The following GRIP1 variants were observed in gnomAD, a reference collection of about 807,000 sequenced individuals.
GRIP1 encodes glutamate receptor interacting protein 1.
Under a neutral mutation model 129.9 loss-of-function variants are expected in GRIP1, and 45 were observed. The observed-to-expected ratio is 0.35, with a 90% CI of 0.27 to 0.44. GRIP1 has a LOEUF of 0.44. Among genes scored for constraint, GRIP1 ranks in the 20% least tolerant of loss-of-function variants. The pLI is 1.00. For synonymous variants in GRIP1, 530 were observed against 520.8 expected (o/e 1.02, Z -0.24); for missense variants, 1,196 against 1,396.8 (o/e 0.86, Z 2.29).
At chr12:66,424,416 G>A (rs764996277) in intron 14 of GRIP1, among the ~76,000 whole-genome samples, 26 of 152,016 alleles carry the variant, frequency 1.7e-4, no homozygotes, top group Non-Finnish European at 3.7e-4. Context: ...AATTCTTTTG[G>A]CTGTTTCCAT....
intron 1 of GRIP1, among the ~76,000 whole-genome samples, chr12:66,823,598 T>C (rs1255809393): frequency 6.6e-6 from 1 of 152,124 alleles, no homozygotes; most frequent in African/African-American, 2.4e-5. Context: ...AAAATTAAGA[T>C]TTTGTACTTT....
At chr12:66,423,327 G>GGAT (rs2057873149) in intron 14 of GRIP1, among the ~76,000 whole-genome samples, 1 of 152,192 alleles carries the variant, frequency 6.6e-6, no homozygotes, top group Admixed American at 6.5e-5. Flanking sequence ...TAAAGAGATT[G>GGAT]GATGAGTGCA....
Position 66,349,162 on chromosome 12 carries a change from T to C in GRIP1, c.3244A>G (p.Ile1082Val), listed in dbSNP as rs756723263. The change falls in exon 25 of 25, where the codon ATT becomes GTT. Residue 1082 changes from isoleucine to valine, a missense_variant. Ile to Val is a conservative substitution (Grantham distance 29). Transcript: ENST00000359742. Reference sequence around the variant, plus strand: ...TGTGAAGCCAGTGGGTTTCTACTAATAACCAGGTCCAGCTTATTCCCGGAT... The same window carrying C: ...TGTGAAGCCAGTGGGTTTCTACTAACAACCAGGTCCAGCTTATTCCCGGAT... ...AESGNKLDLV[I>V]SRNPLASQKS... 6.2e-7 allele frequency: 1 copy of C among 1,614,060 alleles called. No individual in the cohort carries two copies. The highest frequency in any genetic ancestry group is 1.7e-5 in the Admixed American group (1 of 60,016).
At chr12:66,406,198 T>C in intron 16 of GRIP1, 85 bp downstream of exon 16, 1 of 1,324,878 alleles carries the variant, frequency 7.5e-7, no homozygotes, top group East Asian at 2.3e-5. Flanking sequence ...AGCCAGCTGT[T>C]GTATGTAAAA....
intron 1 of GRIP1, among the ~76,000 whole-genome samples, chr12:67,030,044 CAA>C (rs11330637): frequency 0.33 from 44,126 of 132,972 alleles, 8,300 homozygotes; most frequent in East Asian, 0.59. Flanking sequence ...ACTAAAAATA[CAA>C]AAAAAAAAAA....
intron 1 of GRIP1, among the ~76,000 whole-genome samples, chr12:66,979,681 G>A (rs970298815): frequency 5.3e-5 from 8 of 152,190 alleles, no homozygotes; most frequent in African/African-American, 1.9e-4. Context: ...CTTTGCAGAT[G>A]TAATCAAGTT....
chr12:66,574,624 T>C (rs999755026), intron 2 of GRIP1, among the ~76,000 whole-genome samples: 5 of 152,210 alleles, frequency 3.3e-5, no homozygotes, highest in Admixed American at 6.5e-5. Context: ...TATTGATAGA[T>C]ATTTTAGGTT....
Position 66,714,365 on chromosome 12 carries a change from A to C in GRIP1, c.-419-84029T>G, listed in dbSNP as rs377735133. On this transcript the variant is annotated intron_variant, in intron 1 of 4. Transcript: ENST00000538373. ...CTAAGCACAAAAGACTATAAGAGTT[A>C]ATGGAAATGCAGAAAAGATCAGTGA... Among the ~76,000 whole-genome samples the C allele has an allele frequency of 2.0e-3, 297 of 152,222 alleles. 3 individuals carry two copies. The highest frequency in any genetic ancestry group is 6.6e-3 in the African/African-American group (273 of 41,580).
intron 1 of GRIP1, among the ~76,000 whole-genome samples, chr12:67,038,825 T>C (rs1374358804): frequency 6.6e-6 from 1 of 152,300 alleles, no homozygotes; most frequent in East Asian, 1.9e-4. Context: ...ACATTTTATC[T>C]TAGATGATCT....
intron 2 of GRIP1, among the ~76,000 whole-genome samples, chr12:66,557,091 C>T (rs1466710067): frequency 6.6e-6 from 1 of 151,978 alleles, no homozygotes; most frequent in Non-Finnish European, 1.5e-5. Flanking sequence ...AAACACACTT[C>T]ACCTATAATG....
In GRIP1 at chr12:66,884,529, GA is replaced by G. The variant is rs1305923420; in HGVS notation, c.58+184520del. Among the ~76,000 whole-genome samples, 17 of 152,230 alleles carry G rather than the reference GA, an allele frequency of 1.1e-4. No homozygotes were observed. In the East Asian group the frequency reaches 2.9e-3, roughly 26 times the overall value. ...TCCTTGAATGGAGGATGCAGCTTAA[GA>G]TATTACTATTCAGCAGAACTGACAC... is the stretch of plus-strand genomic sequence containing the variant. On this transcript the variant is annotated intron_variant, in intron 1 of 1. Coordinates refer to the GRIP1 transcript ENST00000643019.
intron 19 of GRIP1, among the ~76,000 whole-genome samples, chr12:66,389,150 G>A (rs2056478512): frequency 6.6e-6 from 1 of 152,208 alleles, no homozygotes. Flanking sequence ...GGAGGGACAG[G>A]TTGGAGAGAT....
At position 66,567,214 on chromosome 12, in the gene GRIP1, G is replaced by A. The variant is rs537566911; in HGVS notation, c.137-25264C>T. Among the ~76,000 whole-genome samples, 60 of 152,264 alleles carry A rather than the reference G, an allele frequency of 3.9e-4. 1 individual carries two copies. Among genetic ancestry groups the A allele is most frequent in the African/African-American group, 1.4e-3 (57 of 41,566 alleles). On this transcript the variant is annotated intron_variant, in intron 2 of 24. Coordinates refer to ENST00000359742, the MANE Select transcript of GRIP1 (RefSeq NM_001366722.1). Reference sequence around the variant, plus strand: ...CTTCTATAGTTCTTTTAATTGTGATGTTAGGGTATCGATTTTAGATCTTTT... The same window carrying A: ...CTTCTATAGTTCTTTTAATTGTGATATTAGGGTATCGATTTTAGATCTTTT...
intron 14 of GRIP1, among the ~76,000 whole-genome samples, chr12:66,427,343 T>C (rs1057235872): frequency 2.6e-5 from 4 of 151,952 alleles, no homozygotes; most frequent in Non-Finnish European, 5.9e-5. Context: ...AGGCTTGTGT[T>C]CAAGCTACTG....
intron 17 of GRIP1, among the ~76,000 whole-genome samples, chr12:66,393,306 G>A (rs139246899): frequency 0.017 from 2,523 of 148,090 alleles, 78 homozygotes; most frequent in African/African-American, 0.06. Flanking sequence ...AGCCTCCCAA[G>A]TAGCTGGGAT....
At chr12:66,585,057 T>G (rs574003450) in intron 2 of GRIP1, among the ~76,000 whole-genome samples, 2 of 152,220 alleles carry the variant, frequency 1.3e-5, no homozygotes, top group East Asian at 3.9e-4. Context: ...TTGATTATTT[T>G]ATTATTTTAT....
chr12:67,029,979 T>C (rs2042997556), intron 1 of GRIP1, among the ~76,000 whole-genome samples: 2 of 149,870 alleles, frequency 1.3e-5, no homozygotes, highest in African/African-American at 4.9e-5. Flanking sequence ...GGCGGGTGGA[T>C]CACGAGGTCA....
At chr12:66,382,317 C>T (rs776523125) in intron 19 of GRIP1, among the ~76,000 whole-genome samples, 5 of 151,980 alleles carry the variant, frequency 3.3e-5, no homozygotes, top group African/African-American at 9.7e-5. Flanking sequence ...CCCAGGAGTT[C>T]GAGACCAGTC....
chr12:66,869,853 T>C (rs2040266834), intron 1 of GRIP1, among the ~76,000 whole-genome samples: 1 of 152,138 alleles, frequency 6.6e-6, no homozygotes, highest in Admixed American at 6.6e-5. Context: ...CCCTTTGCAC[T>C]AAATCCAAGT....
Sources: allele counts gnomAD v4.1 joint callset (sites outside exome capture counted in the v4.1 genomes callset), GRCh38; gene constraint gnomAD v4.1.1; transcripts MANE v1.5; gene names NCBI Gene and HGNC (gene_info 2026-07-23, HGNC 2026-07-21).